Variants in C17orf78 observed in about 807,000 individuals in gnomAD.
C17orf78 encodes the protein uncharacterized protein C17orf78.
In C17orf78, 27 loss-of-function variants were observed where a neutral mutation model predicts 31.8. The ratio of observed to expected loss-of-function variants is 0.85; its 90% confidence interval spans 0.63 to 1.17. C17orf78 has a LOEUF of 1.17. Ranked by LOEUF, C17orf78 falls within the 50% of genes most tolerant of loss-of-function variation. The pLI, the probability that C17orf78 is intolerant of heterozygous loss-of-function variation, is 0.00. For synonymous variants in C17orf78, 106 were observed against 115.1 expected (o/e 0.92, Z 0.51); for missense variants, 258 against 315.2 (o/e 0.82, Z 1.37).
intron 3 of C17orf78, among the ~76,000 whole-genome samples, chr17:37,384,095 C>G (rs144295333): frequency 2.0e-5 from 3 of 152,170 alleles, no homozygotes; most frequent in Admixed American, 2.0e-4. Context: ...GAAACCCCGT[C>G]TCTACTAAAA....
intron 6 of C17orf78, among the ~76,000 whole-genome samples, chr17:37,390,285 A>AT (rs1428191942): frequency 4.1e-5 from 2 of 49,336 alleles, no homozygotes; most frequent in South Asian, 5.1e-4. Flanking sequence ...TATTATATAT[A>AT]ATTATATATT....
intron 3 of C17orf78, among the ~76,000 whole-genome samples, chr17:37,381,915 C>G (rs925742545): frequency 6.6e-6 from 1 of 152,202 alleles, no homozygotes; most frequent in East Asian, 1.9e-4. Context: ...GCGTGAGCCA[C>G]TGCACCCGGC....
Position 37,392,271 on chromosome 17 carries a change from G to A in C17orf78, c.*547G>A, listed in dbSNP as rs1417366410. 1.3e-5 allele frequency: 2 copies of A among 153,216 alleles called. No homozygotes were observed. The highest frequency in any genetic ancestry group is 4.8e-5 in the African/African-American group (2 of 41,448). 9.5% of individuals were successfully genotyped at this position (153,216 alleles called of 1,614,324 possible). ...CGCATTCCAAAAGCCTTCCTCATAA[G>A]TTATCCCCAAGGGGTTCAGGGACTA... is the stretch of plus-strand genomic sequence containing the variant. On this transcript the variant is annotated 3_prime_UTR_variant, in exon 7 of 7. Coordinates refer to ENST00000615133, the MANE Select transcript of C17orf78 (RefSeq NM_173625.5).
intron 3 of C17orf78, among the ~76,000 whole-genome samples, chr17:37,380,122 G>A (rs1235231740): frequency 6.6e-6 from 1 of 152,112 alleles, no homozygotes; most frequent in Non-Finnish European, 1.5e-5. Context: ...CATGTCCTTT[G>A]TAGGGACATG....
chr17:37,391,683 A>G lies in C17orf78; in HGVS notation c.787A>G (p.Lys263Glu), dbSNP rs761326844. 6.0e-5 allele frequency: 97 copies of G among 1,613,828 alleles called. No individual in the cohort carries two copies. Among genetic ancestry groups the G allele is most frequent in the Middle Eastern group, 1.6e-4 (1 of 6,084 alleles). ...TGCTGCCAATTCATCAAACCCAAAG[A>G]AAGCTGCAGAGATCACTGTTATCCA... is the stretch of plus-strand genomic sequence containing the variant. ...QDAANSSNPK[K>E]AAEITVIHQT... Residue 263 changes from lysine to glutamate, a missense_variant, in exon 7 of 7, where the codon AAA becomes GAA. By Grantham distance (56) the Lys-to-Glu change is moderately conservative. Coordinates refer to ENST00000615133, the MANE Select transcript of C17orf78 (RefSeq NM_173625.5).
rs754098431 is a variant in C17orf78, at chr17:37,386,045, G to C, written c.428G>C (p.Gly143Ala). The change falls in exon 4 of 7, where the codon GGG becomes GCG. Residue 143 changes from glycine (G) to alanine (A), a missense_variant. Coordinates refer to ENST00000615133, the MANE Select transcript of C17orf78 (RefSeq NM_173625.5). ...GGGATCTCACAATGTAAAGTCCTGG[G>C]GGCTTCATCAGAGACTTTTCCCACC... is the stretch of plus-strand genomic sequence containing the variant. ...LPGISQCKVL[G>A]ASSETFPTTA... is the part of the protein sequence containing the mutation. The C allele has an allele frequency of 6.2e-7, 1 of 1,604,658 alleles. No homozygotes were observed. The highest frequency in any genetic ancestry group is 8.5e-7 in the Non-Finnish European group (1 of 1,173,206).
intron 3 of C17orf78, among the ~76,000 whole-genome samples, chr17:37,382,732 T>C (rs1160075934): frequency 6.6e-6 from 1 of 152,088 alleles, no homozygotes; most frequent in Non-Finnish European, 1.5e-5. Flanking sequence ...TGGTGGCGTG[T>C]GCCTGTAGTC....
At chr17:37,382,907 C>T (rs1323186494) in intron 3 of C17orf78, among the ~76,000 whole-genome samples, 2 of 151,672 alleles carry the variant, frequency 1.3e-5, no homozygotes, top group Non-Finnish European at 2.9e-5. Context: ...CATGGAGGCA[C>T]GCGCTTGTAG....
intron 3 of C17orf78, among the ~76,000 whole-genome samples, chr17:37,380,301 G>A (rs1371308291): frequency 1.3e-5 from 2 of 149,422 alleles, no homozygotes; most frequent in Non-Finnish European, 3.0e-5. Flanking sequence ...GGGAGGGATA[G>A]CATCGGGAGA....
intron 1 of C17orf78, among the ~76,000 whole-genome samples, chr17:37,377,006 C>A (rs1486045064): frequency 1.3e-5 from 2 of 151,828 alleles, no homozygotes; most frequent in African/African-American, 4.8e-5. Flanking sequence ...AGAATTAAGA[C>A]CAAATGGCAC....
intron 1 of C17orf78, 61 bp from the exon 2 acceptor site, chr17:37,377,818 T>A (rs1597740415): frequency 7.3e-7 from 1 of 1,370,668 alleles, no homozygotes; most frequent in Non-Finnish European, 1.0e-6. Context: ...TAAGTACCAG[T>A]AAATTCTGAT....
At chr17:37,380,898 G>GT (rs201346814) in intron 3 of C17orf78, among the ~76,000 whole-genome samples, 12,436 of 146,238 alleles carry the variant, frequency 0.085, 1,611 homozygotes, top group African/African-American at 0.28. Flanking sequence ...GCCTGGCCAG[G>GT]TTTTTTTTTT....
intron 1 of C17orf78, among the ~76,000 whole-genome samples, chr17:37,376,479 T>A (rs1054080970): frequency 1.3e-5 from 2 of 152,230 alleles, no homozygotes; most frequent in African/African-American, 4.8e-5. Flanking sequence ...AAATTCATAC[T>A]GTTCATAAGA....
At chr17:37,380,217 T>C (rs1027659617) in intron 3 of C17orf78, among the ~76,000 whole-genome samples, 3 of 140,918 alleles carry the variant, frequency 2.1e-5, no homozygotes, top group African/African-American at 8.0e-5. Flanking sequence ...TAGGTGGGAA[T>C]TGAACAATGA....
intron 3 of C17orf78, among the ~76,000 whole-genome samples, chr17:37,381,948 A>G (rs1225186687): frequency 2.0e-5 from 3 of 152,060 alleles, no homozygotes; most frequent in Non-Finnish European, 4.4e-5. Context: ...ATATTCTACT[A>G]GCCCCCTATT....
At chr17:37,388,502 TCA>T (rs10544835) in intron 4 of C17orf78, among the ~76,000 whole-genome samples, 166 bp from the exon 5 acceptor site, 36,257 of 151,928 alleles carry the variant, frequency 0.24, 4,421 homozygotes, top group Middle Eastern at 0.37. Flanking sequence ...CAGCTCACCC[TCA>T]CACCCCCTCC....
At chr17:37,390,316 A>ATT (rs1555672312) in intron 6 of C17orf78, among the ~76,000 whole-genome samples, 1 of 50,656 alleles carries the variant, frequency 2.0e-5, no homozygotes, top group Non-Finnish European at 3.0e-5. Context: ...ATATATATAT[A>ATT]TATATATATA....
At chr17:37,381,914 A>C (rs978927707) in intron 3 of C17orf78, among the ~76,000 whole-genome samples, 6 of 152,174 alleles carry the variant, frequency 3.9e-5, no homozygotes, top group African/African-American at 1.4e-4. Context: ...GGCGTGAGCC[A>C]CTGCACCCGG....
chr17:37,386,449 G>A lies in C17orf78; in HGVS notation c.508+324G>A, dbSNP rs145528015. Among the ~76,000 whole-genome samples the A allele has an allele frequency of 8.5e-3, 1,290 of 152,086 alleles. 14 individuals carry two copies. The highest frequency in any genetic ancestry group is 0.026 in the African/African-American group (1,075 of 41,488). On this transcript the variant is annotated intron_variant, in intron 4 of 6. Coordinates refer to ENST00000615133, the MANE Select transcript of C17orf78 (RefSeq NM_173625.5). ...TCTACTAAAAATACAAAAATTAGCC[G>A]GACGTGGTGGCAGGTACCTGTAACC...
Sources: allele counts gnomAD v4.1 joint callset (sites outside exome capture counted in the v4.1 genomes callset), GRCh38; gene constraint gnomAD v4.1.1; transcripts MANE v1.5; gene names NCBI Gene and HGNC (gene_info 2026-07-23, HGNC 2026-07-21).